The following KLHL28 variants were observed in gnomAD, a reference collection of about 807,000 sequenced individuals.
The protein encoded by KLHL28 is kelch like family member 28.
KLHL28 carries 22 observed loss-of-function variants against 48.3 expected under a neutral mutation model. The ratio of observed to expected loss-of-function variants is 0.46; its 90% CI spans 0.33 to 0.65. The LOEUF (loss-of-function observed/expected upper bound fraction) is 0.65, where lower values mean the gene tolerates loss of function less well. KLHL28 is among the 30% of genes least tolerant of loss of function. The probability of loss-of-function intolerance (pLI) is 0.03; values close to 1 mark genes in which losing one functional copy is unlikely to be tolerated. For synonymous variants in KLHL28, 243 were observed against 242.4 expected, an observed-to-expected ratio of 1.00 and a Z score of -0.02; for missense variants, 527 against 704.3, an observed-to-expected ratio of 0.75 and a Z score of 2.85.
At chr14:44,943,850 G>A (rs545886637) in intron 2 of KLHL28, among the ~76,000 whole-genome samples, 40 of 151,870 alleles carry the variant, frequency 2.6e-4, no homozygotes, top group African/African-American at 9.4e-4. Flanking sequence ...GATTAGCTGG[G>A]ACTACAGGAG....
rs1883372641 is a variant in KLHL28, at chr14:44,926,410, T to C, written c.*2618A>G. 5 of 152,182 alleles carry C rather than the reference T, an allele frequency of 3.3e-5. No homozygotes were observed. The South Asian group carries it at 6.2e-4, about 19-fold the overall frequency. The allele number at this position is 152,182 out of a possible 1,614,324, so 9.4% of individuals were successfully genotyped here. ...TGACCAGTATATGTTTTTGATCTAA[T>C]TTACCAAATGATTATACACTAATTT... On this transcript the variant is annotated 3_prime_UTR_variant, in exon 5 of 5. Coordinates refer to ENST00000396128, the MANE Select transcript of KLHL28 (RefSeq NM_017658.5).
intron 1 of KLHL28, 28 bp from the exon 2 acceptor site, chr14:44,945,956 G>C: frequency 6.4e-7 from 1 of 1,572,800 alleles, no homozygotes; most frequent in African/African-American, 1.4e-5. Flanking sequence ...AGCATAGACA[G>C]TTATTTCAAA....
chr14:44,930,050 G>C (rs73334118), intron 4 of KLHL28, among the ~76,000 whole-genome samples: 2 of 151,688 alleles, frequency 1.3e-5, no homozygotes, highest in African/African-American at 4.8e-5. Context: ...TTCTACTTTA[G>C]ATATTATCTT....
chr14:44,955,551 G>A (rs900956317), intron 1 of KLHL28, among the ~76,000 whole-genome samples: 4 of 152,142 alleles, frequency 2.6e-5, no homozygotes, highest in Non-Finnish European at 4.4e-5. Context: ...TAAGGTGGGA[G>A]GATAGCTTGA....
intron 4 of KLHL28, among the ~76,000 whole-genome samples, chr14:44,930,740 A>C (rs1883550733): frequency 6.6e-6 from 1 of 152,220 alleles, no homozygotes; most frequent in Non-Finnish European, 1.5e-5. Flanking sequence ...TTTGGATAGG[A>C]AATATTCAAT....
At chr14:44,937,223 A>T (rs1009773403) in intron 2 of KLHL28, among the ~76,000 whole-genome samples, 24 of 147,398 alleles carry the variant, frequency 1.6e-4, no homozygotes, top group African/African-American at 6.1e-4. Flanking sequence ...TCGGCTCACC[A>T]CAACCTCCGC....
chr14:44,934,755 G>A (rs895550326), intron 2 of KLHL28, among the ~76,000 whole-genome samples, 197 bp from the exon 3 acceptor site: 7 of 152,148 alleles, frequency 4.6e-5, no homozygotes, highest in East Asian at 1.9e-4. Context: ...TGCATACTCC[G>A]TTGGTGAGAG....
chr14:44,956,404 C>T lies in KLHL28; in HGVS notation c.-1+5442G>A, dbSNP rs187085162. On this transcript the variant is annotated intron_variant, in intron 1 of 4. Transcript: ENST00000396128. ...AAAGAGAGATAGCTAGATAATTGGGCCTTCTGATGGAAAAACATAACACCC... is the reference window on the plus strand; with the variant it reads ...AAAGAGAGATAGCTAGATAATTGGGTCTTCTGATGGAAAAACATAACACCC... 2.2e-3 allele frequency among the ~76,000 whole-genome samples: 335 copies of T among 152,284 alleles called. 2 individuals are homozygous for T. Among genetic ancestry groups the T allele is most frequent in the Non-Finnish European group, 6.2e-4 (42 of 68,016 alleles).
At chr14:44,937,109 T>G (rs1458488538) in intron 2 of KLHL28, among the ~76,000 whole-genome samples, 1 of 152,104 alleles carries the variant, frequency 6.6e-6, no homozygotes, top group Non-Finnish European at 1.5e-5. Flanking sequence ...TCTTAAGACT[T>G]AGTGTCAGAA....
intron 2 of KLHL28, among the ~76,000 whole-genome samples, chr14:44,936,753 G>A (rs1019089597): frequency 1.3e-5 from 2 of 152,166 alleles, no homozygotes; most frequent in African/African-American, 4.8e-5. Flanking sequence ...TATGACGGAG[G>A]AACAGAAAGG....
At chr14:44,942,092 T>C (rs1884125212) in intron 2 of KLHL28, among the ~76,000 whole-genome samples, 1 of 152,178 alleles carries the variant, frequency 6.6e-6, no homozygotes, top group South Asian at 2.1e-4. Flanking sequence ...ATCCTTTACC[T>C]GGATATTTCA....
intron 2 of KLHL28, among the ~76,000 whole-genome samples, chr14:44,936,845 G>A (rs1883844845): frequency 6.6e-6 from 1 of 152,162 alleles, no homozygotes; most frequent in Non-Finnish European, 1.5e-5. Context: ...AGATAAGAAC[G>A]TGTGGTGGTT....
intron 1 of KLHL28, among the ~76,000 whole-genome samples, chr14:44,951,257 G>A (rs1170184287): frequency 6.6e-6 from 1 of 152,192 alleles, no homozygotes; most frequent in Non-Finnish European, 1.5e-5. Flanking sequence ...GAGGTGAGTG[G>A]AAAATTGGGA....
chr14:44,933,289 T>C (rs1039377033), intron 3 of KLHL28, among the ~76,000 whole-genome samples: 5 of 151,482 alleles, frequency 3.3e-5, no homozygotes, highest in African/African-American at 1.2e-4. Flanking sequence ...CTATTAAAGA[T>C]ACAATCTTTT....
rs991357042 is a variant in KLHL28 at position 44,928,796 on chromosome 14, GTC to G, written c.*230_*231del. On this transcript the variant is annotated 3_prime_UTR_variant, in exon 5 of 5. Coordinates refer to ENST00000396128, the MANE Select transcript of KLHL28 (RefSeq NM_017658.5). Reference sequence around the variant, plus strand: ...AAAAGTGCAGAATTCAATTGGCAAAGTCTTTACTTTTTTTTTTTCTCTTTTTT... The same window carrying G: ...AAAAGTGCAGAATTCAATTGGCAAAGTTTACTTTTTTTTTTTCTCTTTTTT... 6.0e-5 allele frequency: 21 copies of G among 349,806 alleles called. No individual in the cohort carries two copies. The highest frequency in any genetic ancestry group is 3.0e-4 in the African/African-American group (14 of 46,614). The allele number at this position is 349,806 out of a possible 1,614,324, so 21.7% of individuals were successfully genotyped here.
rs1250028846 is a variant in KLHL28, at chr14:44,949,586, G to T, written c.1-3658C>A. 2.6e-5 allele frequency among the ~76,000 whole-genome samples: 4 copies of T among 152,082 alleles called. No homozygotes were observed. The East Asian group carries it at 7.7e-4, about 29-fold the overall frequency. ...TAGTGGTATTCTGTAAGGCCAAGAT[G>T]AAGATATTTTATGTCCTGAACTTTG... On this transcript the variant is annotated intron_variant, in intron 1 of 4. Coordinates refer to ENST00000396128, the MANE Select transcript of KLHL28 (RefSeq NM_017658.5).
At position 44,931,542 on chromosome 14, in the gene KLHL28, C is replaced by T. The variant is rs750312575; in HGVS notation, c.1344-1G>A. 6.2e-7 allele frequency: 1 copy of T among 1,603,370 alleles called. No homozygotes were observed. The highest frequency in any genetic ancestry group is 8.5e-7 in the Non-Finnish European group (1 of 1,174,586). On this transcript the variant is annotated splice_acceptor_variant, in intron 3 of 4. Coordinates refer to ENST00000396128, the MANE Select transcript of KLHL28 (RefSeq NM_017658.5). LOFTEE classifies it high-confidence loss of function. ...CTTACTTGGATCATAACGCTCCACA[C>T]TGCAAATATTTAAAAAAAATTTAAT...
At chr14:44,937,148 C>CTT (rs1157419168) in intron 2 of KLHL28, among the ~76,000 whole-genome samples, 70 of 139,714 alleles carry the variant, frequency 5.0e-4, no homozygotes, top group African/African-American at 1.7e-3. Flanking sequence ...TTGTTTTTTT[C>CTT]TTTTTTTTTT....
At chr14:44,929,527 C>T (rs1370595093) in intron 4 of KLHL28, among the ~76,000 whole-genome samples, 1 of 152,140 alleles carries the variant, frequency 6.6e-6, no homozygotes, top group African/African-American at 2.4e-5. Flanking sequence ...GCCTAATTTA[C>T]AAACTAAACC....
Sources: gnomAD v4.1 joint callset for allele counts (sites outside exome capture counted in the v4.1 genomes callset) on GRCh38, gnomAD v4.1.1 for gene constraint, MANE v1.5 for transcripts, NCBI Gene and HGNC (gene_info 2026-07-23, HGNC 2026-07-21) for gene names.